MYT1: variants seen among roughly 807,000 people sequenced by gnomAD.
MYT1 encodes the protein myelin transcription factor 1, also known as myelin transcription factor I.
In MYT1, 23 loss-of-function variants were observed where a neutral mutation model predicts 123.0. The ratio of observed to expected loss-of-function variants is 0.19; its 90% confidence interval spans 0.13 to 0.26. The LOEUF (loss-of-function observed/expected upper bound fraction) is 0.26, where lower values mean the gene tolerates loss of function less well. MYT1 is among the 10% of genes least tolerant of loss of function. The pLI is 1.00. For synonymous variants in MYT1, 518 were observed against 575.3 expected, an observed-to-expected ratio of 0.90 and a Z score of 1.43; for missense variants, 1,125 against 1,472.5, an observed-to-expected ratio of 0.76 and a Z score of 3.86.
chr20:64,205,673 C>T lies in MYT1; in HGVS notation c.270C>T (p.Asp90=), dbSNP rs764621919. The change falls in exon 6 of 23, where the codon GAC becomes GAT. Residue 90 remains aspartate (D), a synonymous_variant. Coordinates refer to ENST00000328439, the MANE Select transcript of MYT1 (RefSeq NM_004535.3). ...CTCTGGACGAGGGCTATGGTGTGGA[C>T]AGCGACGGCAGTGAGGACACTGAGG... ...KLALDEGYGV[D]SDGSEDTEVK... is the part of the protein sequence containing the mutation. 9.9e-6 allele frequency: 16 copies of T among 1,614,080 alleles called. No individual in the cohort carries two copies. The East Asian group carries it at 1.3e-4, about 13-fold the overall frequency.
intron 1 of MYT1, among the ~76,000 whole-genome samples, chr20:64,187,983 C>T (rs181179506): frequency 1.1e-3 from 174 of 152,264 alleles, no homozygotes; most frequent in Admixed American, 1.0e-3. Flanking sequence ...AGTTGATCCC[C>T]GGGATGCTAG....
chr20:64,233,596 A>G (rs573729995), intron 19 of MYT1, among the ~76,000 whole-genome samples: 2 of 149,388 alleles, frequency 1.3e-5, no homozygotes, highest in Admixed American at 6.7e-5. Context: ...AGAGCAGAGA[A>G]AAAAAGGACA....
chr20:64,210,287 G>C (rs951387495), intron 7 of MYT1, among the ~76,000 whole-genome samples: 2 of 152,382 alleles, frequency 1.3e-5, no homozygotes, highest in Non-Finnish European at 2.9e-5. Context: ...GCAGTGCCCA[G>C]CTGGGCTGTG....
rs901288157 is a variant in MYT1, at chr20:64,185,712, C to T, written c.-98-4351C>T. On this transcript the variant is annotated intron_variant, in intron 1 of 22. Transcript: ENST00000328439. This position sits in a 1 kb window ranked among gnomAD's most constrained non-coding sequence, Gnocchi z 4.5. ...GAGCCAGCATGAAAACAGCCACGGT[C>T]GCCCGCAGGGGGTCCCCCATGGGGT... Among the ~76,000 whole-genome samples, 4 of 152,314 alleles carry T rather than the reference C, an allele frequency of 2.6e-5. No individual in the cohort carries two copies. The highest frequency in any genetic ancestry group is 7.2e-5 in the African/African-American group (3 of 41,558).
At chr20:64,223,067 G>T (rs1437492409) in intron 14 of MYT1, 44 bp from the exon 15 acceptor site, 2 of 1,611,318 alleles carry the variant, frequency 1.2e-6, no homozygotes, top group East Asian at 4.5e-5. Flanking sequence ...TGGGGGGCAG[G>T]TACACACCAC....
At chr20:64,176,640 C>T (rs559227161) in intron 1 of MYT1, among the ~76,000 whole-genome samples, 1 of 152,362 alleles carries the variant, frequency 6.6e-6, no homozygotes, top group South Asian at 2.1e-4. Flanking sequence ...ATGTTCTCGC[C>T]CCAGAAGGAA....
Position 64,205,735 on chromosome 20 carries a change from C to T in MYT1, c.332C>T (p.Thr111Ile), listed in dbSNP as rs779155632. The stretch of plus-strand genomic sequence containing the variant: ...TCTGTTTCGGATGAATCGGAAGGAA[C>T]TCTGGAGGGGGCCGAGGCTGAGACG... ...DASVSDESEG[T>I]LEGAEAETSG... is the part of the protein sequence containing the mutation. The change falls in exon 6 of 23, where the codon ACT becomes ATT. Residue 111 changes from threonine (T) to isoleucine (I), a missense_variant. Physicochemically the swap from Thr to Ile is moderately conservative, Grantham distance 89. Around this residue, in one of 4 missense-constraint regions of MYT1, gnomAD observed 406 missense variants for 432.2 expected, o/e 0.94. Coordinates refer to ENST00000328439, the MANE Select transcript of MYT1 (RefSeq NM_004535.3). 6.2e-7 allele frequency: 1 copy of T among 1,614,168 alleles called. No individual in the cohort carries two copies. The highest frequency in any genetic ancestry group is 8.5e-7 in the Non-Finnish European group (1 of 1,180,040).
intron 7 of MYT1, among the ~76,000 whole-genome samples, 194 bp from the exon 8 acceptor site, chr20:64,211,012 G>A (rs1010025248): frequency 6.6e-6 from 1 of 152,228 alleles, no homozygotes; most frequent in Non-Finnish European, 1.5e-5. Context: ...CAGGGCTTCC[G>A]CACAGGCAGC....
At chr20:64,209,580 G>T (rs987422865) in intron 7 of MYT1, among the ~76,000 whole-genome samples, 5 of 152,164 alleles carry the variant, frequency 3.3e-5, no homozygotes, top group African/African-American at 1.2e-4. Flanking sequence ...CTGAGACCAG[G>T]GAGGGAGCAG....
chr20:64,218,785 T>A lies in MYT1; in HGVS notation c.1847-126T>A. ...CCACTGACTTGTCTGCATTGCTGCCTCTTTTCAAGTTGTATATCAGCCTGG... is the reference window on the plus strand; with the variant it reads ...CCACTGACTTGTCTGCATTGCTGCCACTTTTCAAGTTGTATATCAGCCTGG... On this transcript the variant is annotated intron_variant, in intron 11 of 22. Coordinates refer to ENST00000328439, the MANE Select transcript of MYT1 (RefSeq NM_004535.3). The surrounding 1 kb of genome is among the most constrained non-coding windows in gnomAD (Gnocchi z 4.0). 1.0e-5 allele frequency: 12 copies of A among 1,203,606 alleles called. No homozygotes were observed. The highest frequency in any genetic ancestry group is 2.7e-5 in the East Asian group (1 of 37,414). The allele number at this position is 1,203,606 out of a possible 1,614,324, so 74.6% of individuals were successfully genotyped here.
chr20:64,218,819 C>T lies in MYT1; in HGVS notation c.1847-92C>T, dbSNP rs769349395. On this transcript the variant is annotated intron_variant, in intron 11 of 22. Coordinates refer to ENST00000328439, the MANE Select transcript of MYT1 (RefSeq NM_004535.3). This position sits in a 1 kb window ranked among gnomAD's most constrained non-coding sequence, Gnocchi z 4.0. Reference sequence around the variant, plus strand: ...GTTGTATATCAGCCTGGTGTTGTTCCCTTTTTGCAGCCAAACCTTTCCCAA... The same window carrying T: ...GTTGTATATCAGCCTGGTGTTGTTCTCTTTTTGCAGCCAAACCTTTCCCAA... 1.9e-6 allele frequency: 3 copies of T among 1,574,648 alleles called. No homozygotes were observed. The highest frequency in any genetic ancestry group is 2.6e-6 in the Non-Finnish European group (3 of 1,152,574).
intron 21 of MYT1, among the ~76,000 whole-genome samples, chr20:64,238,760 G>T (rs958628298): frequency 1.3e-5 from 2 of 151,726 alleles, no homozygotes; most frequent in African/African-American, 4.8e-5. Context: ...GTGTCGTTGG[G>T]GTAGCACCTC....
In MYT1 at chr20:64,208,808, C is replaced by T. The variant is rs912805483; in HGVS notation, c.1291+321C>T. Among the ~76,000 whole-genome samples the T allele has an allele frequency of 2.0e-5, 3 of 152,184 alleles. No individual in the cohort carries two copies. Among genetic ancestry groups the T allele is most frequent in the South Asian group, 2.1e-4 (1 of 4,826 alleles). ...TCTGGGGTCTGGAGAGGGTGGGGAC[C>T]GTCCTGTCCCTTCCACCCCAACTCA... On this transcript the variant is annotated intron_variant, in intron 7 of 22. Coordinates refer to ENST00000328439, the MANE Select transcript of MYT1 (RefSeq NM_004535.3). The surrounding 1 kb of genome is among the most constrained non-coding windows in gnomAD (Gnocchi z 5.4).
intron 19 of MYT1, among the ~76,000 whole-genome samples, chr20:64,233,222 T>TC (rs1984382584): frequency 1.5e-5 from 1 of 67,056 alleles, no homozygotes; most frequent in Non-Finnish European, 2.9e-5. Flanking sequence ...CCTCCCCCTT[T>TC]CCTTCTTTCC....
intron 13 of MYT1, 67 bp downstream of exon 13, chr20:64,220,049 T>G: frequency 1.4e-6 from 2 of 1,409,702 alleles, no homozygotes; most frequent in African/African-American, 2.9e-5. Flanking sequence ...GAGGCTGTTG[T>G]GATATTGGCT....
At chr20:64,170,224 C>T (rs905169672) in intron 1 of MYT1, among the ~76,000 whole-genome samples, 13 of 152,226 alleles carry the variant, frequency 8.5e-5, no homozygotes, top group East Asian at 1.9e-4. Context: ...GATGCCACCC[C>T]GGGCCCTCCT....
intron 3 of MYT1, 47 bp from the exon 4 acceptor site, chr20:64,199,845 A>C: frequency 6.2e-7 from 1 of 1,605,100 alleles, no homozygotes; most frequent in Non-Finnish European, 8.5e-7. Context: ...ATGAGCCTTT[A>C]AAATCACAAT....
At chr20:64,235,732 C>CTGGCTGTGGTGGGTGACCCTTGGA (rs1984506353) in intron 19 of MYT1, among the ~76,000 whole-genome samples, 1 of 97,814 alleles carries the variant, frequency 1.0e-5, no homozygotes, top group Non-Finnish European at 1.9e-5. Flanking sequence ...TGACCCTTGG[C>CTGGCTGTGGTGGGTGACCCTTGGA]TGGCTGTGGT....
At chr20:64,179,241 G>C (rs535711107) in intron 1 of MYT1, among the ~76,000 whole-genome samples, 1 of 152,120 alleles carries the variant, frequency 6.6e-6, no homozygotes, top group Non-Finnish European at 1.5e-5. Flanking sequence ...GCCCTTCAAC[G>C]TGGGAGCACT....
Sources: gnomAD v4.1 joint callset for allele counts (sites outside exome capture counted in the v4.1 genomes callset) on GRCh38, gnomAD v4.1.1 for gene constraint, gnomAD v4.1.1 regional missense constraint, Gnocchi (gnomAD v3.1) non-coding constraint, MANE v1.5 for transcripts, NCBI Gene and HGNC (gene_info 2026-07-23, HGNC 2026-07-21) for gene names.